LRRTM4: variants seen among roughly 807,000 people sequenced by gnomAD.
LRRTM4 encodes the protein leucine-rich repeat transmembrane neuronal protein 4.
A neutral mutation model predicts 47.6 loss-of-function variants in LRRTM4; 25 were observed. The ratio of observed to expected loss-of-function variants is 0.53; its 90% confidence interval spans 0.38 to 0.73. The LOEUF (loss-of-function observed/expected upper bound fraction) is 0.73. Ranked by LOEUF, LRRTM4 falls within the 30% of genes least tolerant of loss-of-function variation. LRRTM4 has a pLI of 0.00. For synonymous variants in LRRTM4, 311 were observed against 269.5 expected, an observed-to-expected ratio of 1.15 and a Z score of -1.51; for missense variants, 638 against 713.4, an observed-to-expected ratio of 0.89 and a Z score of 1.20.
At chr2:76,976,121 A>G (rs1040081756) in intron 3 of LRRTM4, among the ~76,000 whole-genome samples, 1 of 151,722 alleles carries the variant, frequency 6.6e-6, no homozygotes, top group Non-Finnish European at 1.5e-5. Flanking sequence ...ACAAATTTTA[A>G]TCTGTTTTTA....
rs1298510617 is a variant in LRRTM4, at chr2:77,506,126, A to G, written c.1551+12192T>C. On this transcript the variant is annotated intron_variant, in intron 3 of 3. Coordinates refer to ENST00000409884, the MANE Select transcript of LRRTM4 (RefSeq NM_001134745.3). The stretch of plus-strand genomic sequence containing the variant: ...AAAATATGGTTCTTACATTGTAATA[A>G]AGAGTGAATCCTTGAGTGGAATATA... 2.0e-5 allele frequency among the ~76,000 whole-genome samples: 3 copies of G among 151,684 alleles called. No individual in the cohort carries two copies. In the East Asian group the frequency reaches 5.8e-4, roughly 29 times the overall value.
At chr2:77,338,078 T>A (rs1042825112) in intron 3 of LRRTM4, among the ~76,000 whole-genome samples, 1 of 152,072 alleles carries the variant, frequency 6.6e-6, no homozygotes, top group African/African-American at 2.4e-5. Context: ...TTATACCAGA[T>A]ACAAAAATCA....
intron 3 of LRRTM4, among the ~76,000 whole-genome samples, chr2:76,953,268 C>G (rs1440717816): frequency 6.6e-6 from 1 of 151,860 alleles, no homozygotes; most frequent in Non-Finnish European, 1.5e-5. Context: ...CAGACCTTTT[C>G]CCCCACAGGA....
At chr2:77,454,417 G>A (rs974590243) in intron 3 of LRRTM4, among the ~76,000 whole-genome samples, 3 of 152,058 alleles carry the variant, frequency 2.0e-5, no homozygotes, top group Non-Finnish European at 2.9e-5. Flanking sequence ...TTTCTTTACC[G>A]CATTTCTTAT....
At chr2:77,285,123 T>C (rs1676613365) in intron 3 of LRRTM4, among the ~76,000 whole-genome samples, 1 of 151,852 alleles carries the variant, frequency 6.6e-6, no homozygotes. Context: ...GAAAACTTTA[T>C]TCTAATAACA....
chr2:77,362,115 G>GAGAAAGACAGAA (rs1672240461), intron 3 of LRRTM4, among the ~76,000 whole-genome samples: 1 of 98,840 alleles, frequency 1.0e-5, no homozygotes, highest in African/African-American at 4.7e-5. Context: ...GAAAGAAAGA[G>GAGAAAGACAGAA]AGAAAGAAAG....
At position 76,847,673 on chromosome 2, in the gene LRRTM4, A is replaced by T. The variant is rs185696123; in HGVS notation, c.1552-98757T>A. 3.3e-5 allele frequency among the ~76,000 whole-genome samples: 5 copies of T among 152,188 alleles called. No homozygotes were observed. The East Asian group carries it at 9.6e-4, about 29-fold the overall frequency. On this transcript the variant is annotated intron_variant, in intron 3 of 3. Transcript: ENST00000409884. ...ATTTTGAGTGAACATTTTCATTTATAATGATATTCCATTACTTATTTGTAA... is the reference window on the plus strand; with the variant it reads ...ATTTTGAGTGAACATTTTCATTTATTATGATATTCCATTACTTATTTGTAA...
intron 3 of LRRTM4, among the ~76,000 whole-genome samples, chr2:77,473,361 A>G (rs1398128245): frequency 1.3e-5 from 2 of 152,164 alleles, no homozygotes; most frequent in Non-Finnish European, 2.9e-5. Flanking sequence ...CATTTTTATA[A>G]CAAGAAACCA....
intron 3 of LRRTM4, among the ~76,000 whole-genome samples, chr2:77,286,106 G>A (rs1676650834): frequency 6.6e-6 from 1 of 151,976 alleles, no homozygotes; most frequent in Non-Finnish European, 1.5e-5. Context: ...CTTCTATATG[G>A]CAAAATTGGA....
chr2:76,870,974 A>G (rs1158687759), intron 3 of LRRTM4, among the ~76,000 whole-genome samples: 2 of 152,334 alleles, frequency 1.3e-5, no homozygotes, highest in East Asian at 3.9e-4. Flanking sequence ...TGAATCCAGA[A>G]TAAGTCCACT....
chr2:76,925,393 T>A (rs1674558359), intron 3 of LRRTM4, among the ~76,000 whole-genome samples: 1 of 152,098 alleles, frequency 6.6e-6, no homozygotes. Context: ...AATCACAGCC[T>A]CAGCTGACCC....
chr2:77,238,177 T>C (rs1675159211), intron 3 of LRRTM4, among the ~76,000 whole-genome samples: 1 of 152,178 alleles, frequency 6.6e-6, no homozygotes, highest in African/African-American at 2.4e-5. Context: ...TTATATCAGA[T>C]GCTAGATATG....
chr2:76,870,872 G>C (rs1384828141), intron 3 of LRRTM4, among the ~76,000 whole-genome samples: 1 of 152,108 alleles, frequency 6.6e-6, no homozygotes, highest in Non-Finnish European at 1.5e-5. Flanking sequence ...TGAGATATTA[G>C]AAAAACACAC....
chr2:77,516,818 A>T, intron 3 of LRRTM4: 1 of 982,432 alleles, frequency 1.0e-6, no homozygotes, highest in Non-Finnish European at 1.2e-6. Flanking sequence ...CAATAGTCCA[A>T]ATTGTACTGA....
chr2:76,987,371 C>T (rs929061336), intron 3 of LRRTM4: 2 of 151,822 alleles, frequency 1.3e-5, no homozygotes, highest in East Asian at 3.9e-4. Context: ...TCATAATTGA[C>T]CTTATATGTC....
intron 3 of LRRTM4, among the ~76,000 whole-genome samples, chr2:77,284,562 C>T (rs77947995): frequency 0.016 from 2,423 of 152,146 alleles, 58 homozygotes; most frequent in East Asian, 0.099. Flanking sequence ...GCATTAAATA[C>T]ATTCTTGACA....
chr2:77,242,176 A>T (rs1675286120), intron 3 of LRRTM4, among the ~76,000 whole-genome samples: 1 of 152,154 alleles, frequency 6.6e-6, no homozygotes, highest in African/African-American at 2.4e-5. Context: ...TCTGTAAAAC[A>T]AAATCATTGG....
chr2:77,273,179 C>G (rs1168083160), intron 3 of LRRTM4, among the ~76,000 whole-genome samples: 1 of 152,070 alleles, frequency 6.6e-6, no homozygotes, highest in Non-Finnish European at 1.5e-5. Flanking sequence ...TCTGAAGTTG[C>G]TACATTTTTT....
At chr2:77,218,414 C>T (rs1261834737) in intron 3 of LRRTM4, among the ~76,000 whole-genome samples, 2 of 152,070 alleles carry the variant, frequency 1.3e-5, no homozygotes, top group Non-Finnish European at 2.9e-5. Flanking sequence ...AAGGAAGAAA[C>T]AACAAGAGTA....
Sources: gnomAD v4.1 joint callset for allele counts (sites outside exome capture counted in the v4.1 genomes callset) on GRCh38, gnomAD v4.1.1 for gene constraint, MANE v1.5 for transcripts, NCBI Gene and HGNC (gene_info 2026-07-23, HGNC 2026-07-21) for gene names.